Variants in SSBP3 observed in about 807,000 individuals in gnomAD.
SSBP3 encodes single-stranded DNA-binding protein 3.
SSBP3 carries 5 observed loss-of-function variants against 69.6 expected under a neutral mutation model. That is an observed-to-expected ratio of 0.07 (90% confidence interval 0.04 to 0.15). The LOEUF is 0.15. Ranked by LOEUF, SSBP3 falls within the 10% of genes least tolerant of loss-of-function variation. The pLI is 1.00. For missense variants in SSBP3, 312 were observed against 534.0 expected, an observed-to-expected ratio of 0.58 and a Z score of 4.10; for synonymous variants, 196 against 193.4, an observed-to-expected ratio of 1.01 and a Z score of -0.11.
intron 4 of SSBP3, among the ~76,000 whole-genome samples, chr1:54,371,595 T>G (rs1295461404): frequency 1.3e-5 from 2 of 152,152 alleles, no homozygotes; most frequent in African/African-American, 2.4e-5. Flanking sequence ...AGCTACCGCC[T>G]CTTCTAAAGT....
At chr1:54,240,045 GGGGTGTGTGTGTGTGT>G (rs1317534766) in intron 13 of SSBP3, among the ~76,000 whole-genome samples, 980 of 65,448 alleles carry the variant, frequency 0.015, 16 homozygotes, top group African/African-American at 0.038. Context: ...TAATTGTGAT[GGGGTGTGTGTGTGTGT>G]GTGTGTGTGT....
chr1:54,354,679 C>A (rs1400392581), intron 4 of SSBP3, among the ~76,000 whole-genome samples: 1 of 152,110 alleles, frequency 6.6e-6, no homozygotes, highest in African/African-American at 2.4e-5. Context: ...CCTCTCCAGC[C>A]CACTCCCCGC....
chr1:54,382,167 C>T (rs373535610), intron 4 of SSBP3, among the ~76,000 whole-genome samples: 146 of 152,332 alleles, frequency 9.6e-4, no homozygotes, highest in African/African-American at 3.4e-3. Flanking sequence ...GCACTCCAGC[C>T]TGGGCAATAG....
chr1:54,375,365 A>G (rs892774167), intron 4 of SSBP3, among the ~76,000 whole-genome samples: 4 of 151,616 alleles, frequency 2.6e-5, no homozygotes, highest in Admixed American at 6.6e-5. Context: ...CATGCATTCA[A>G]TTTATTTATT....
chr1:54,407,519 G>A (rs1557601768), upstream of SSBP3, among the ~76,000 whole-genome samples: 1 of 152,006 alleles, frequency 6.6e-6, no homozygotes, highest in African/African-American at 2.4e-5. Context: ...GAACCCAGAA[G>A]ACACACTGCG....
chr1:54,372,161 C>T (rs1647145930), intron 4 of SSBP3, among the ~76,000 whole-genome samples: 1 of 152,218 alleles, frequency 6.6e-6, no homozygotes, highest in South Asian at 2.1e-4. Context: ...CGTGTAAGCC[C>T]TGACAAATTA....
At chr1:54,404,533 A>C (rs746693421) in intron 3 of SSBP3, 43 bp downstream of exon 3, 2 of 1,607,852 alleles carry the variant, frequency 1.2e-6, no homozygotes, top group South Asian at 1.1e-5. Context: ...CCCAGGGCTC[A>C]CAACAAAACA....
chr1:54,244,527 G>A (rs1055955608), intron 9 of SSBP3, among the ~76,000 whole-genome samples: 3 of 152,194 alleles, frequency 2.0e-5, no homozygotes, highest in Non-Finnish European at 2.9e-5. Flanking sequence ...GATTACAGGC[G>A]TGAGCCACTG....
chr1:54,225,844 A>C (rs1031346270), exon 18 of SSBP3: 2 of 153,016 alleles, frequency 1.3e-5, no homozygotes, highest in African/African-American at 4.8e-5. Context: ...AAGTAAAAAC[A>C]GGACTGGAGC....
chr1:54,310,391 T>C (rs1645979368), intron 4 of SSBP3, among the ~76,000 whole-genome samples: 1 of 152,110 alleles, frequency 6.6e-6, no homozygotes. Flanking sequence ...GAGCATGGTT[T>C]TTCTACTGGG....
At chr1:54,328,475 C>T (rs1219972960) in intron 4 of SSBP3, among the ~76,000 whole-genome samples, 1 of 152,214 alleles carries the variant, frequency 6.6e-6, no homozygotes, top group Admixed American at 6.5e-5. Context: ...TGTCTACATA[C>T]TTGCAGAGGC....
At chr1:54,310,001 G>A (rs187176642) in intron 4 of SSBP3, among the ~76,000 whole-genome samples, 16 of 152,280 alleles carry the variant, frequency 1.1e-4, no homozygotes, top group East Asian at 7.7e-4. Context: ...AGGGAAGCCC[G>A]GGCAGGCTCC....
chr1:54,311,263 C>A (rs975571250), intron 4 of SSBP3, among the ~76,000 whole-genome samples: 1 of 152,160 alleles, frequency 6.6e-6, no homozygotes, highest in Admixed American at 6.5e-5. Context: ...TGACTTAATG[C>A]ACCAACTGCT....
chr1:54,252,648 G>A (rs1486452330), intron 7 of SSBP3, among the ~76,000 whole-genome samples: 1 of 152,220 alleles, frequency 6.6e-6, no homozygotes, highest in Non-Finnish European at 1.5e-5. Context: ...AGGTAAACAC[G>A]GGGGCCACGG....
In SSBP3 at chr1:54,258,692, G is replaced by A. The variant is rs141894716; in HGVS notation, c.367-543C>T. Among the ~76,000 whole-genome samples the A allele has an allele frequency of 8.5e-5, 13 of 152,304 alleles. No individual in the cohort carries two copies. The South Asian group carries it at 1.7e-3, about 19-fold the overall frequency. On this transcript the variant is annotated intron_variant, in intron 5 of 17. Transcript: ENST00000610401. The surrounding 1 kb of genome is among the most constrained non-coding windows in gnomAD (Gnocchi z 4.5). ...AGGCCCAGGCGACGGGTTTCCTGGG[G>A]GCAGGAGGGCCGGGGGCACCGACAG...
chr1:54,325,188 G>A (rs556236659), intron 4 of SSBP3, among the ~76,000 whole-genome samples: 4 of 152,140 alleles, frequency 2.6e-5, no homozygotes, highest in East Asian at 3.8e-4. Flanking sequence ...ATCCCAGCAC[G>A]AGTCACTCCA....
chr1:54,405,337 G>A (rs1649643766), intron 1 of SSBP3: 2 of 250,282 alleles, frequency 8.0e-6, no homozygotes, highest in Non-Finnish European at 1.6e-5. Context: ...GCGCTCTGGA[G>A]AGGGCAGCAA....
intron 4 of SSBP3, among the ~76,000 whole-genome samples, chr1:54,291,980 G>A (rs1290702337): frequency 6.6e-6 from 1 of 152,210 alleles, no homozygotes; most frequent in Non-Finnish European, 1.5e-5. Flanking sequence ...AGATACAGCT[G>A]AGAAGGAAGG....
At chr1:54,339,538 A>G (rs1646569655) in intron 4 of SSBP3, among the ~76,000 whole-genome samples, 1 of 152,166 alleles carries the variant, frequency 6.6e-6, no homozygotes, top group Admixed American at 6.5e-5. Flanking sequence ...CGAGTAAAAT[A>G]CTAGCCTAGC....
Sources: gnomAD v4.1 joint callset for allele counts (sites outside exome capture counted in the v4.1 genomes callset) on GRCh38, gnomAD v4.1.1 for gene constraint, Gnocchi (gnomAD v3.1) non-coding constraint, MANE v1.5 for transcripts, NCBI Gene and HGNC (gene_info 2026-07-23, HGNC 2026-07-21) for gene names.